TMEM217B: variants seen among roughly 807,000 people sequenced by gnomAD.
TMEM217B encodes putative transmembrane protein 217B.
the TMEM217B span, among the ~76,000 whole-genome samples, chr6:37,246,872 T>C: frequency 6.7e-6 from 1 of 150,050 alleles, no homozygotes; most frequent in East Asian, 2.0e-4. Context: ...CACTGCGTTC[T>C]AGCCTGGGCA....
chr6:37,241,099 C>CTTTTTTT, the TMEM217B span, among the ~76,000 whole-genome samples: 1 of 132,930 alleles, frequency 7.5e-6, no homozygotes, highest in Non-Finnish European at 1.6e-5. Context: ...AAGTATTACT[C>CTTTTTTT]TTTTTTTTTT....
chr6:37,247,957 G>C, the TMEM217B span, among the ~76,000 whole-genome samples: 1 of 152,164 alleles, frequency 6.6e-6, no homozygotes, highest in African/African-American at 2.4e-5. Flanking sequence ...TGAGGGATGT[G>C]GGTGAGGTAC....
At chr6:37,215,570 C>CAAAAAAAAAAAAAAAAAAAAA in the TMEM217B span, among the ~76,000 whole-genome samples, 30 of 72,376 alleles carry the variant, frequency 4.1e-4, no homozygotes, top group African/African-American at 1.5e-3. Flanking sequence ...GACTCTGTCT[C>CAAAAAAAAAAAAAAAAAAAAA]AAAAAAAAAA....
the TMEM217B span, among the ~76,000 whole-genome samples, chr6:37,222,163 G>A: frequency 3.9e-5 from 6 of 152,196 alleles, no homozygotes; most frequent in Non-Finnish European, 5.9e-5. Context: ...TTGGTACATC[G>A]GGGGCCATGG....
the TMEM217B span, among the ~76,000 whole-genome samples, chr6:37,255,060 G>A: frequency 3.3e-5 from 5 of 152,086 alleles, no homozygotes; most frequent in African/African-American, 9.7e-5. Flanking sequence ...ATGCCCACCC[G>A]CCACTCACCT....
chr6:37,218,917 C>T, the TMEM217B span: 10,261 of 1,614,178 alleles, frequency 6.4e-3, 37 homozygotes, highest in Non-Finnish European at 7.8e-3. Context: ...AACTGCCATT[C>T]CCTAGGTGCT....
chr6:37,257,728 T>G, the TMEM217B span: 1 of 602,654 alleles, frequency 1.7e-6, no homozygotes, highest in East Asian at 3.2e-5. Flanking sequence ...GTCCACGGCT[T>G]GCGCAGCTCA....
the TMEM217B span, among the ~76,000 whole-genome samples, chr6:37,238,576 A>G: frequency 0.91 from 139,162 of 152,226 alleles, 63,740 homozygotes; most frequent in African/African-American, 0.98. Flanking sequence ...AACCTGCTGG[A>G]AGATCTAGGA....
At chr6:37,230,723 A>G in the TMEM217B span, among the ~76,000 whole-genome samples, 1 of 152,150 alleles carries the variant, frequency 6.6e-6, no homozygotes, top group African/African-American at 2.4e-5. Context: ...CCACTCTGTG[A>G]TATGTAGTTA....
At chr6:37,256,597 G>A in the TMEM217B span, among the ~76,000 whole-genome samples, 1 of 152,166 alleles carries the variant, frequency 6.6e-6, no homozygotes, top group Non-Finnish European at 1.5e-5. Flanking sequence ...TTAAATTAGG[G>A]GACAAAAGAA....
chr6:37,212,342 A>G, the TMEM217B span: 1 of 358,616 alleles, frequency 2.8e-6, no homozygotes, highest in Non-Finnish European at 5.5e-6. Flanking sequence ...TCAACAGAAG[A>G]CAGGCAGGGT....
chr6:37,212,902 A>G, the TMEM217B span: 1 of 1,544,166 alleles, frequency 6.5e-7, no homozygotes, highest in Non-Finnish European at 8.8e-7. Context: ...CAGGTCAAAG[A>G]TGAAGAACTG....
At chr6:37,238,427 CCTT>C in the TMEM217B span, among the ~76,000 whole-genome samples, 1 of 152,200 alleles carries the variant, frequency 6.6e-6, no homozygotes, top group African/African-American at 2.4e-5. Context: ...CCTATTTCCA[CCTT>C]CTTTGCTACC....
chr6:37,223,281 A>C, the TMEM217B span, among the ~76,000 whole-genome samples: 1 of 152,160 alleles, frequency 6.6e-6, no homozygotes, highest in East Asian at 1.9e-4. Flanking sequence ...GATTGCTAGA[A>C]GGATAAATGA....
chr6:37,257,410 G>A, the TMEM217B span, among the ~76,000 whole-genome samples: 8 of 152,196 alleles, frequency 5.3e-5, no homozygotes, highest in Non-Finnish European at 5.9e-5. Flanking sequence ...TGTTAAAAAT[G>A]GGCCACAACC....
the TMEM217B span, among the ~76,000 whole-genome samples, chr6:37,242,432 C>G: frequency 6.6e-6 from 1 of 152,198 alleles, no homozygotes; most frequent in Non-Finnish European, 1.5e-5. Context: ...CTTTTCTTTG[C>G]CTTTAAGAGC....
the TMEM217B span, among the ~76,000 whole-genome samples, chr6:37,232,045 T>G: frequency 6.6e-5 from 10 of 152,258 alleles, no homozygotes; most frequent in Admixed American, 5.2e-4. Context: ...ACTGGGCAGC[T>G]GAAGGATAAG....
chr6:37,221,392 G>A, the TMEM217B span, among the ~76,000 whole-genome samples: 1 of 152,120 alleles, frequency 6.6e-6, no homozygotes, highest in African/African-American at 2.4e-5. Flanking sequence ...TCGCCATGTT[G>A]GTCAGGCTGG....
the TMEM217B span, among the ~76,000 whole-genome samples, chr6:37,253,257 T>C: frequency 6.6e-6 from 1 of 152,214 alleles, no homozygotes; most frequent in East Asian, 1.9e-4. Flanking sequence ...GTTTAAATCT[T>C]CATATTCTTT....
Sources: allele counts gnomAD v4.1 joint callset (sites outside exome capture counted in the v4.1 genomes callset), GRCh38; gene constraint gnomAD v4.1.1; transcripts MANE v1.5; gene names NCBI Gene and HGNC (gene_info 2026-07-23, HGNC 2026-07-21).